Variants in SSH2 observed in about 807,000 individuals in gnomAD.
SSH2 encodes the protein slingshot protein phosphatase 2.
SSH2 carries 37 observed loss-of-function variants against 135.2 expected under a neutral mutation model. That is an observed-to-expected ratio of 0.27 (90% CI 0.21 to 0.36). The LOEUF is 0.36. SSH2 is among the 10% of genes least tolerant of loss of function. The pLI is 1.00. For missense variants in SSH2, 1,408 were observed against 1,765.3 expected (o/e 0.80, Z 3.63); for synonymous variants, 628 against 646.2 (o/e 0.97, Z 0.43).
At chr17:29,829,837 ATTTT>A (rs35027288) in intron 2 of SSH2, among the ~76,000 whole-genome samples, 2 of 130,446 alleles carry the variant, frequency 1.5e-5, no homozygotes, top group Non-Finnish European at 1.6e-5. Context: ...AAAGATCAAG[ATTTT>A]TTTTTTTTTT....
At chr17:29,775,853 T>A (rs1421194362) in intron 3 of SSH2, 2 of 152,234 alleles carry the variant, frequency 1.3e-5, no homozygotes, top group African/African-American at 4.8e-5. Flanking sequence ...ATGCTTCAAA[T>A]ACTCTGTGTT....
intron 1 of SSH2, among the ~76,000 whole-genome samples, chr17:29,888,964 A>G (rs1193251640): frequency 1.3e-5 from 2 of 150,186 alleles, no homozygotes; most frequent in Non-Finnish European, 3.0e-5. Context: ...AAAAGGAAAG[A>G]AAAGAAAAAA....
At chr17:29,809,658 A>G (rs541751574) in intron 2 of SSH2, among the ~76,000 whole-genome samples, 6 of 152,122 alleles carry the variant, frequency 3.9e-5, no homozygotes, top group African/African-American at 1.4e-4. Flanking sequence ...TAGGTTCAAG[A>G]GATTCCCCCA....
chr17:29,684,896 C>T (rs954856617), intron 5 of SSH2, among the ~76,000 whole-genome samples: 3 of 151,986 alleles, frequency 2.0e-5, no homozygotes, highest in African/African-American at 4.8e-5. Context: ...TAATACCTAA[C>T]TGTCAGGTTG....
chr17:29,815,917 C>T (rs1303838794), intron 2 of SSH2, among the ~76,000 whole-genome samples: 1 of 152,050 alleles, frequency 6.6e-6, no homozygotes, highest in South Asian at 2.1e-4. Context: ...GGCGTGATCT[C>T]GGCTCACTGA....
At chr17:29,781,957 T>C (rs1248987447) in intron 3 of SSH2, among the ~76,000 whole-genome samples, 1 of 152,020 alleles carries the variant, frequency 6.6e-6, no homozygotes, top group Non-Finnish European at 1.5e-5. Context: ...GCAATTCTCC[T>C]GCCTCAGCCT....
At chr17:29,764,842 C>A (rs1312353378) in intron 3 of SSH2, among the ~76,000 whole-genome samples, 1 of 152,188 alleles carries the variant, frequency 6.6e-6, no homozygotes, top group African/African-American at 2.4e-5. Flanking sequence ...ATCCATGTAT[C>A]CCTTATGGTA....
intron 3 of SSH2, among the ~76,000 whole-genome samples, chr17:29,750,391 A>C (rs1466272911): frequency 6.6e-6 from 1 of 150,578 alleles, no homozygotes; most frequent in Non-Finnish European, 1.5e-5. Context: ...GCGAGCCGAG[A>C]TCATGCTACT....
intron 3 of SSH2, among the ~76,000 whole-genome samples, chr17:29,739,241 C>A (rs181144790): frequency 6.6e-6 from 1 of 152,286 alleles, no homozygotes; most frequent in Admixed American, 6.5e-5. Flanking sequence ...CGAACCGAAT[C>A]CACTATCTAT....
At chr17:29,643,246 G>A in intron 14 of SSH2, 1 of 985,230 alleles carries the variant, frequency 1.0e-6, no homozygotes. Context: ...TAGCCTACAA[G>A]TACCAAGGTG....
chr17:29,658,867 C>CAAAA (rs541052752), intron 11 of SSH2, among the ~76,000 whole-genome samples: 4 of 33,402 alleles, frequency 1.2e-4, no homozygotes, highest in Non-Finnish European at 2.0e-4. Context: ...AACTCCGTCT[C>CAAAA]AAAAAAAAAA....
chr17:29,862,991 T>TGGGC (rs944038928), intron 1 of SSH2, among the ~76,000 whole-genome samples: 2 of 152,150 alleles, frequency 1.3e-5, no homozygotes, highest in African/African-American at 4.8e-5. Context: ...CTATAGCCTG[T>TGGGC]GGGCCAAATG....
chr17:29,722,962 T>C (rs1020681385), intron 3 of SSH2, among the ~76,000 whole-genome samples: 2 of 152,242 alleles, frequency 1.3e-5, no homozygotes, highest in African/African-American at 4.8e-5. Flanking sequence ...TTAGATTAAG[T>C]TCCTCATTTA....
At chr17:29,803,851 A>C (rs1280351664) in intron 2 of SSH2, among the ~76,000 whole-genome samples, 2 of 152,172 alleles carry the variant, frequency 1.3e-5, no homozygotes, top group Non-Finnish European at 2.9e-5. Context: ...TTACAGGTTA[A>C]TGTCTATAAA....
At position 29,908,059 on chromosome 17, in the gene SSH2, T is replaced by A. The variant is rs1446398886; in HGVS notation, c.63+21879A>T. Among the ~76,000 whole-genome samples the A allele has an allele frequency of 2.0e-5, 3 of 152,012 alleles. No individual in the cohort carries two copies. In the East Asian group the frequency reaches 5.9e-4, roughly 30 times the overall value. ...TTGAACTCCTGGCCTCAAGTGATCTTCCCACCTCGGCCTCCCAAAGTGCTG... is the reference window on the plus strand; with the variant it reads ...TTGAACTCCTGGCCTCAAGTGATCTACCCACCTCGGCCTCCCAAAGTGCTG... On this transcript the variant is annotated intron_variant, in intron 1 of 15. Transcript: ENST00000540801.
intron 1 of SSH2, among the ~76,000 whole-genome samples, chr17:29,896,561 A>G (rs887953200): frequency 2.7e-5 from 4 of 150,788 alleles, no homozygotes; most frequent in Non-Finnish European, 5.9e-5. Flanking sequence ...ATATTTTGGC[A>G]TTTTATAAAA....
chr17:29,839,411 C>G (rs540709320), intron 2 of SSH2, among the ~76,000 whole-genome samples: 1 of 152,306 alleles, frequency 6.6e-6, no homozygotes, highest in African/African-American at 2.4e-5. Context: ...AAAGCAACAC[C>G]CCAAGGATGC....
intron 2 of SSH2, among the ~76,000 whole-genome samples, chr17:29,844,186 A>G (rs1568009461): frequency 6.6e-6 from 1 of 152,194 alleles, no homozygotes; most frequent in Non-Finnish European, 1.5e-5. Flanking sequence ...GAATATAACA[A>G]ACCAAGCAAA....
intron 1 of SSH2, among the ~76,000 whole-genome samples, chr17:29,875,688 C>T (rs938819416): frequency 1.5e-4 from 23 of 152,134 alleles, no homozygotes; most frequent in African/African-American, 3.6e-4. Flanking sequence ...CATTATGATC[C>T]GGCCACATTG....
Sources: allele counts gnomAD v4.1 joint callset (sites outside exome capture counted in the v4.1 genomes callset), GRCh38; gene constraint gnomAD v4.1.1; transcripts MANE v1.5; gene names NCBI Gene and HGNC (gene_info 2026-07-23, HGNC 2026-07-21).